The following TNS1 variants were observed in gnomAD, a reference collection of about 807,000 sequenced individuals.
TNS1 encodes tensin 1.
TNS1 carries 62 observed loss-of-function variants against 168.6 expected under a neutral mutation model. The observed-to-expected ratio is 0.37, with a 90% CI of 0.30 to 0.45. TNS1 has a LOEUF of 0.45. Among genes scored for constraint, TNS1 ranks in the 20% least tolerant of loss-of-function variants. The pLI, the probability that TNS1 is intolerant of heterozygous loss-of-function variation, is 1.00. For missense variants in TNS1, 2,240 were observed against 2,339.4 expected (o/e 0.96, Z 0.88); for synonymous variants, 934 against 933.2 (o/e 1.00, Z -0.02).
chr2:218,011,638 G>A (rs1958707167), upstream of TNS1, among the ~76,000 whole-genome samples: 1 of 152,114 alleles, frequency 6.6e-6, no homozygotes, highest in South Asian at 2.1e-4. Context: ...TGTGGGCGGA[G>A]GCCCTGAAAG....
chr2:217,888,568 G>A (rs1337407332), intron 12 of TNS1, among the ~76,000 whole-genome samples: 1 of 152,220 alleles, frequency 6.6e-6, no homozygotes, highest in East Asian at 1.9e-4. Flanking sequence ...CCCTCGTGTT[G>A]TGGGAGGGAC....
At chr2:217,868,781 T>C (rs993355056) in intron 18 of TNS1, among the ~76,000 whole-genome samples, 14 of 152,196 alleles carry the variant, frequency 9.2e-5, no homozygotes, top group African/African-American at 3.1e-4. Flanking sequence ...CCCAAGGCCA[T>C]GCTCCCAATC....
intron 18 of TNS1, among the ~76,000 whole-genome samples, chr2:217,852,152 A>C (rs56074520): frequency 0.29 from 44,773 of 152,008 alleles, 6,734 homozygotes; most frequent in Middle Eastern, 0.38. Context: ...CTCAAAAAAA[A>C]AGAAGAGACC....
At chr2:217,889,177 C>T (rs1003783899) in intron 12 of TNS1, among the ~76,000 whole-genome samples, 1 of 152,236 alleles carries the variant, frequency 6.6e-6, no homozygotes, top group Non-Finnish European at 1.5e-5. Context: ...ATTTTCTGCA[C>T]ATAAAGACAT....
rs150296112 is a variant in TNS1 at position 217,952,813 on chromosome 2, C to G, written c.186+25952G>C. Among the ~76,000 whole-genome samples the G allele has an allele frequency of 4.3e-3, 650 of 152,244 alleles. 8 individuals are homozygous for G. Among genetic ancestry groups the G allele is most frequent in the African/African-American group, 0.015 (623 of 41,538 alleles). On this transcript the variant is annotated intron_variant, in intron 3 of 32. Coordinates refer to ENST00000682258, the MANE Select transcript of TNS1 (RefSeq NM_001387777.1). ...AACAGGATTGGGGCAAGAAGGGCCC[C>G]CAAATCAGGGAAACAATCACTCCAA...
intron 6 of TNS1, among the ~76,000 whole-genome samples, chr2:217,904,780 A>G (rs1953457764): frequency 6.6e-6 from 1 of 152,228 alleles, no homozygotes; most frequent in Admixed American, 6.5e-5. Context: ...CTGTAGCTCT[A>G]GTTGACGGGA....
intron 4 of TNS1, among the ~76,000 whole-genome samples, chr2:217,910,385 A>G (rs10172987): frequency 0.063 from 9,636 of 152,176 alleles, 377 homozygotes; most frequent in Non-Finnish European, 0.1. Flanking sequence ...GTTTGCAAAC[A>G]CAGCCAGCAT....
intron 4 of TNS1, among the ~76,000 whole-genome samples, chr2:217,908,288 A>T (rs1311737630): frequency 2.6e-5 from 4 of 152,136 alleles, no homozygotes. Context: ...TTCTCCCCAT[A>T]GCAAGAAGAG....
chr2:217,989,042 T>C (rs533898462), intron 2 of TNS1, among the ~76,000 whole-genome samples: 1 of 152,288 alleles, frequency 6.6e-6, no homozygotes. Flanking sequence ...GAAAGACTCA[T>C]GAGCAAAGGC....
At chr2:217,943,535 A>G (rs1174956440) in intron 3 of TNS1, among the ~76,000 whole-genome samples, 1 of 152,170 alleles carries the variant, frequency 6.6e-6, no homozygotes, top group Non-Finnish European at 1.5e-5. Context: ...GCAGCCACTG[A>G]CACCAGCAAC....
rs150357038 is a variant in TNS1, at chr2:217,817,766, G to C, written c.4566C>G (p.Gly1522=). ...TGCTGCCCCCACTGGGACTGGACATGCCGCTGGCGACAGGCGAAGACACCT... is the reference window on the plus strand; with the variant it reads ...TGCTGCCCCCACTGGGACTGGACATCCCGCTGGCGACAGGCGAAGACACCT... The part of the protein sequence containing the change: ...NGKVSSPVAS[G]MSSPSGGSTV... Residue 1522 remains glycine, a synonymous_variant, in exon 24 of 33, where the codon GGC becomes GGG. Transcript: ENST00000682258. 1.9e-6 allele frequency: 3 copies of C among 1,613,794 alleles called. No homozygotes were observed. Among genetic ancestry groups the C allele is most frequent in the African/African-American group, 2.7e-5 (2 of 74,834 alleles).
intron 21 of TNS1, among the ~76,000 whole-genome samples, chr2:217,834,675 G>T (rs1574706580): frequency 6.6e-6 from 1 of 152,182 alleles, no homozygotes; most frequent in African/African-American, 2.4e-5. Context: ...TAAATAGGTT[G>T]CCTGGAATGG....
chr2:217,888,066 G>GT (rs1951381821), intron 12 of TNS1, among the ~76,000 whole-genome samples: 2 of 152,330 alleles, frequency 1.3e-5, no homozygotes, highest in South Asian at 4.1e-4. Flanking sequence ...CTGGGTTTGG[G>GT]TGGGGCCTCC....
At chr2:217,994,678 C>T (rs944558683) in intron 1 of TNS1, among the ~76,000 whole-genome samples, 11 of 152,248 alleles carry the variant, frequency 7.2e-5, no homozygotes, top group African/African-American at 2.6e-4. Context: ...ACAGCTTCTC[C>T]CAGGGGCCCC....
At chr2:217,960,491 G>A (rs899687140) in intron 3 of TNS1, among the ~76,000 whole-genome samples, 1 of 152,114 alleles carries the variant, frequency 6.6e-6, no homozygotes, top group African/African-American at 2.4e-5. Flanking sequence ...AGGGCAGGGG[G>A]CATGTGAGAA....
At chr2:217,961,241 A>ACG (rs753050989) in intron 3 of TNS1, among the ~76,000 whole-genome samples, 10 of 137,240 alleles carry the variant, frequency 7.3e-5, no homozygotes, top group Non-Finnish European at 1.4e-4. Context: ...TCTCTCACAC[A>ACG]CACACACACA....
chr2:217,858,427 C>T (rs1252210700), intron 18 of TNS1: 2 of 797,000 alleles, frequency 2.5e-6, no homozygotes. Flanking sequence ...GCACCCCAGC[C>T]CAGATCCAGC....
In TNS1 at chr2:217,804,450, G is replaced by A. The variant is rs182851722; in HGVS notation, c.*9C>T. The A allele has an allele frequency of 4.0e-3, 6,485 of 1,614,024 alleles. 31 individuals are homozygous for A. Among genetic ancestry groups the A allele is most frequent in the Middle Eastern group, 0.037 (225 of 6,056 alleles). On this transcript the variant is annotated 3_prime_UTR_variant, in exon 33 of 33. Transcript: ENST00000682258. ...CCCCATGGCACTGGCCCTGGGCAAG[G>A]GGCAGGGTTCATCTCTTTTGGCCGG...
At chr2:218,024,680 C>G (rs1958837691) in intron 1 of TNS1, among the ~76,000 whole-genome samples, 2 of 152,154 alleles carry the variant, frequency 1.3e-5, no homozygotes, top group Non-Finnish European at 2.9e-5. Context: ...AGAGGACACC[C>G]AAGGTTATTG....
Sources: allele counts gnomAD v4.1 joint callset (sites outside exome capture counted in the v4.1 genomes callset), GRCh38; gene constraint gnomAD v4.1.1; transcripts MANE v1.5; gene names NCBI Gene and HGNC (gene_info 2026-07-23, HGNC 2026-07-21).